The following ANK3 variants were observed in gnomAD, a reference collection of about 807,000 sequenced individuals.
The protein encoded by ANK3 is ankyrin-3.
In ANK3, 57 loss-of-function variants were observed where a neutral mutation model predicts 370.9. That is an observed-to-expected ratio of 0.15 (90% CI 0.12 to 0.19). The LOEUF (loss-of-function observed/expected upper bound fraction) is 0.19, where lower values mean the gene tolerates loss of function less well. ANK3 is among the 10% of genes least tolerant of loss of function. The pLI is 1.00. For synonymous variants in ANK3, 1,929 were observed against 1,946.3 expected (o/e 0.99, Z 0.23); for missense variants, 4,439 against 5,302.1 (o/e 0.84, Z 5.06).
intron 1 of ANK3, among the ~76,000 whole-genome samples, chr10:60,630,351 T>C (rs764050479): frequency 2.6e-5 from 4 of 152,234 alleles, no homozygotes; most frequent in Non-Finnish European, 5.9e-5. Context: ...TTATAAATTA[T>C]TTGGATGTAC....
chr10:60,545,511 A>C (rs1338383865), intron 2 of ANK3, among the ~76,000 whole-genome samples: 1 of 152,090 alleles, frequency 6.6e-6, no homozygotes, highest in Non-Finnish European at 1.5e-5. Context: ...AGTATTATAA[A>C]CCTTGGTTAT....
chr10:60,122,735 T>C (rs1052401410), intron 25 of ANK3, among the ~76,000 whole-genome samples: 1 of 152,238 alleles, frequency 6.6e-6, no homozygotes, highest in Non-Finnish European at 1.5e-5. Context: ...AAGCCTTCTA[T>C]ACTTTTCAAA....
At chr10:60,213,656 C>T (rs1023926454) in intron 8 of ANK3, 146 bp from the exon 9 acceptor site, 16 of 445,538 alleles carry the variant, frequency 3.6e-5, no homozygotes, top group Non-Finnish European at 5.4e-5. Context: ...AAAATAATTC[C>T]TTATTTTAGG....
chr10:60,235,022 G>A (rs1037817598), intron 7 of ANK3, among the ~76,000 whole-genome samples: 1 of 152,198 alleles, frequency 6.6e-6, no homozygotes, highest in African/African-American at 2.4e-5. Flanking sequence ...TCAATCACTT[G>A]AGGTGACTGA....
chr10:60,318,646 T>C (rs1298005461), intron 1 of ANK3, among the ~76,000 whole-genome samples: 6 of 152,146 alleles, frequency 3.9e-5, no homozygotes, highest in East Asian at 1.9e-4. Context: ...CATGAGGCCA[T>C]TGGGGAGAGG....
At chr10:60,313,355 T>G (rs1473173239) in intron 1 of ANK3, among the ~76,000 whole-genome samples, 2 of 152,172 alleles carry the variant, frequency 1.3e-5, no homozygotes, top group South Asian at 4.1e-4. Context: ...GAATGTAATA[T>G]TGTAAAATAT....
intron 2 of ANK3, among the ~76,000 whole-genome samples, chr10:60,555,868 G>A (rs187095871): frequency 5.5e-4 from 83 of 152,288 alleles, no homozygotes; most frequent in African/African-American, 1.9e-3. Flanking sequence ...GAGCAAATAC[G>A]TTTCCTCCAC....
chr10:60,060,298 A>G (rs549244550), intron 40 of ANK3: 2 of 205,186 alleles, frequency 9.7e-6, no homozygotes, highest in Admixed American at 5.4e-5. Flanking sequence ...CTAAATATAT[A>G]AAGTTTATAT....
chr10:60,577,555 T>C (rs1047031286), intron 2 of ANK3, among the ~76,000 whole-genome samples: 2 of 152,130 alleles, frequency 1.3e-5, no homozygotes, highest in East Asian at 3.9e-4. Flanking sequence ...ACAAGTTCTG[T>C]TACTCTCTCT....
intron 1 of ANK3, among the ~76,000 whole-genome samples, chr10:60,314,661 G>A (rs953718186): frequency 6.6e-6 from 1 of 152,138 alleles, no homozygotes; most frequent in Non-Finnish European, 1.5e-5. Flanking sequence ...ATCAAATGGG[G>A]AAAATTTTAT....
At chr10:60,140,682 G>A in intron 23 of ANK3, 2 of 1,272,888 alleles carry the variant, frequency 1.6e-6, no homozygotes, top group Non-Finnish European at 2.0e-6. Flanking sequence ...AGCTCCTTCT[G>A]ATTGGATTAA....
In ANK3 at chr10:60,333,295, C is replaced by T. The variant is rs189122221; in HGVS notation, c.115-53656G>A. 3.2e-3 allele frequency among the ~76,000 whole-genome samples: 482 copies of T among 152,162 alleles called. 5 individuals carry two copies. The highest frequency in any genetic ancestry group is 0.011 in the African/African-American group (453 of 41,492). ...GGTATTTCTCCTAATGCTCTCCCTCCCCTAGACCCCAACCCCCCGACAGGC... is the reference window on the plus strand; with the variant it reads ...GGTATTTCTCCTAATGCTCTCCCTCTCCTAGACCCCAACCCCCCGACAGGC... On this transcript the variant is annotated intron_variant, in intron 1 of 43. Transcript: ENST00000280772.
intron 1 of ANK3, among the ~76,000 whole-genome samples, chr10:60,631,984 C>A (rs1369995772): frequency 1.3e-5 from 2 of 151,986 alleles, no homozygotes; most frequent in African/African-American, 4.8e-5. Context: ...TTATCAAGTG[C>A]CTTAAAGTCT....
At position 60,127,989 on chromosome 10, in the gene ANK3, G is replaced by A. The variant is rs563817011; in HGVS notation, c.2841+6282C>T. Among the ~76,000 whole-genome samples the A allele has an allele frequency of 9.9e-5, 15 of 152,050 alleles. No individual in the cohort carries two copies. In the South Asian group the frequency reaches 1.0e-3, roughly 11 times the overall value. On this transcript the variant is annotated intron_variant, in intron 25 of 43. Coordinates refer to ENST00000280772, the MANE Select transcript of ANK3 (RefSeq NM_020987.5). ...TGGAATTACAGATGTGAGCCACCGC[G>A]CCCGGCCAGTTCTTCATACTTTTTA...
chr10:60,123,922 G>A (rs2093626738), intron 25 of ANK3, among the ~76,000 whole-genome samples: 1 of 152,194 alleles, frequency 6.6e-6, no homozygotes, highest in South Asian at 2.1e-4. Flanking sequence ...TTCCCCACAC[G>A]AAGAATAAGA....
chr10:60,521,189 T>C (rs921451719), intron 2 of ANK3, among the ~76,000 whole-genome samples: 2 of 152,130 alleles, frequency 1.3e-5, no homozygotes, highest in African/African-American at 4.8e-5. Context: ...TTGTAGAACA[T>C]CTATATGTTA....
At chr10:60,410,814 C>T (rs997351097) in intron 2 of ANK3, among the ~76,000 whole-genome samples, 1 of 152,050 alleles carries the variant, frequency 6.6e-6, no homozygotes, top group Non-Finnish European at 1.5e-5. Context: ...TACAGGTGCA[C>T]ACCAGAATGC....
chr10:60,714,735 T>C (rs983296913), intron 1 of ANK3, among the ~76,000 whole-genome samples: 4 of 152,182 alleles, frequency 2.6e-5, no homozygotes, highest in African/African-American at 7.2e-5. Context: ...TGATAAAGAA[T>C]ATCTACAAGC....
chr10:60,225,062 C>A (rs1023152605), intron 8 of ANK3, among the ~76,000 whole-genome samples: 3 of 151,856 alleles, frequency 2.0e-5, no homozygotes, highest in Non-Finnish European at 4.4e-5. Context: ...TACAGGCATG[C>A]CCCACCATTT....
Sources: allele counts gnomAD v4.1 joint callset (sites outside exome capture counted in the v4.1 genomes callset), GRCh38; gene constraint gnomAD v4.1.1; transcripts MANE v1.5; gene names NCBI Gene and HGNC (gene_info 2026-07-23, HGNC 2026-07-21).